The following ZNF69 variants were observed in gnomAD, a reference collection of about 807,000 sequenced individuals.
The protein encoded by ZNF69 is ZNF3.
ZNF69 carries 47 observed loss-of-function variants against 50.9 expected under a neutral mutation model. That is an observed-to-expected ratio of 0.92 (90% CI 0.73 to 1.18). The LOEUF (loss-of-function observed/expected upper bound fraction) is 1.18. Ranked by LOEUF, ZNF69 falls within the 50% of genes most tolerant of loss-of-function variation. The probability of loss-of-function intolerance (pLI) is 0.00; values close to 1 mark genes in which losing one functional copy is unlikely to be tolerated. For synonymous variants in ZNF69, 216 were observed against 223.1 expected (o/e 0.97, Z 0.29); for missense variants, 717 against 675.1 (o/e 1.06, Z -0.69).
the ZNF69 span, among the ~76,000 whole-genome samples, chr19:11,951,850 G>A: frequency 1.3e-5 from 2 of 152,076 alleles, no homozygotes; most frequent in Admixed American, 6.6e-5. Flanking sequence ...TCATATGCCC[G>A]GTATGTGACT....
At chr19:11,925,245 A>AC in the ZNF69 span, 3 of 1,612,692 alleles carry the variant, frequency 1.9e-6, no homozygotes, top group Admixed American at 3.3e-5. Context: ...TGTAGAGAGG[A>AC]CCCCGGTACA....
chr19:11,912,388 C>T (rs961196557), intron 4 of ZNF69, among the ~76,000 whole-genome samples: 2 of 152,188 alleles, frequency 1.3e-5, no homozygotes, highest in Non-Finnish European at 2.9e-5. Context: ...TGCAGAAAAG[C>T]ATTCAGCTTG....
At chr19:11,938,529 C>G in the ZNF69 span, among the ~76,000 whole-genome samples, 6 of 152,148 alleles carry the variant, frequency 3.9e-5, no homozygotes, top group Non-Finnish European at 8.8e-5. Context: ...ATAATGGTTT[C>G]CAGCTTCATC....
At chr19:11,959,510 A>G in the ZNF69 span, among the ~76,000 whole-genome samples, 5 of 152,314 alleles carry the variant, frequency 3.3e-5, no homozygotes, top group South Asian at 4.1e-4. Flanking sequence ...TTGAATTCTC[A>G]GTAACATAAT....
intron 3 of ZNF69, among the ~76,000 whole-genome samples, 153 bp from the exon 4 acceptor site, chr19:11,904,496 C>G (rs1307409886): frequency 1.3e-5 from 2 of 152,194 alleles, no homozygotes; most frequent in African/African-American, 2.4e-5. Context: ...TCACCTTGTA[C>G]AATGGGTTGT....
Position 11,905,695 on chromosome 19 carries a change from T to C in ZNF69, c.1298T>C (p.Leu433Ser). 2 of 1,612,954 alleles carry C rather than the reference T, an allele frequency of 1.2e-6. No individual in the cohort carries two copies. The highest frequency in any genetic ancestry group is 1.7e-6 in the Non-Finnish European group (2 of 1,179,806). Reference sequence around the variant, plus strand: ...TTCAGATCTTCCTCACACCTTCAATTGCATGGTAGGACTCACACTGGAGAG... The same window carrying C: ...TTCAGATCTTCCTCACACCTTCAATCGCATGGTAGGACTCACACTGGAGAG... ...KAFRSSSHLQLHGRTHTGEKP... is the reference protein window; with the variant it reads ...KAFRSSSHLQSHGRTHTGEKP... The change falls in exon 4 of 4, where the codon TTG becomes TCG. Residue 433 changes from leucine (L) to serine (S), a missense_variant. Coordinates refer to ENST00000429654, the MANE Select transcript of ZNF69 (RefSeq NM_001364730.1).
At chr19:11,893,966 A>C (rs1186783503) in intron 1 of ZNF69, among the ~76,000 whole-genome samples, 1 of 152,134 alleles carries the variant, frequency 6.6e-6, no homozygotes, top group Non-Finnish European at 1.5e-5. Context: ...CCAAAAGACA[A>C]GGAACAGCCA....
chr19:11,893,743 G>A (rs979395221), intron 1 of ZNF69, among the ~76,000 whole-genome samples: 3 of 152,114 alleles, frequency 2.0e-5, no homozygotes, highest in Non-Finnish European at 2.9e-5. Flanking sequence ...GGGGCCTCCC[G>A]AGGGAGCAGC....
chr19:11,906,059 G>C lies in ZNF69; in HGVS notation c.1662G>C (p.Arg554Ser), dbSNP rs764642476. The part of the protein sequence containing the change: ...RAASVLRMHG[R>S]THPEDKPYEC... ...CCTCAGTCCTTCGAATGCATGGTAG[G>C]ACTCACCCTGAAGATAAACCCTATG... Residue 554 changes from arginine (R) to serine (S), a missense_variant, in exon 4 of 4, where the codon AGG becomes AGC. Coordinates refer to ENST00000429654, the MANE Select transcript of ZNF69 (RefSeq NM_001364730.1). 2 of 1,613,154 alleles carry C rather than the reference G, an allele frequency of 1.2e-6. No homozygotes were observed. Among genetic ancestry groups the C allele is most frequent in the Non-Finnish European group, 1.7e-6 (2 of 1,179,660 alleles).
chr19:11,929,227 G>T, the ZNF69 span, among the ~76,000 whole-genome samples: 2 of 148,412 alleles, frequency 1.3e-5, no homozygotes, highest in African/African-American at 5.3e-5. Flanking sequence ...GTGCAGGCGC[G>T]ATCTCAGCTC....
At chr19:11,922,645 T>C in the ZNF69 span, among the ~76,000 whole-genome samples, 1 of 124,626 alleles carries the variant, frequency 8.0e-6, no homozygotes, top group African/African-American at 3.1e-5. Flanking sequence ...ACCAGGGGCC[T>C]TTTCCATTGA....
At chr19:11,960,719 A>T in the ZNF69 span, among the ~76,000 whole-genome samples, 136 of 151,838 alleles carry the variant, frequency 9.0e-4, 2 homozygotes, top group East Asian at 3.9e-4. Flanking sequence ...CATTATGACT[A>T]CTTGTTTTTC....
At chr19:11,890,291 T>C (rs900890624) in intron 1 of ZNF69, among the ~76,000 whole-genome samples, 1 of 152,208 alleles carries the variant, frequency 6.6e-6, no homozygotes, top group Admixed American at 6.5e-5. Context: ...CAGGCTTTGT[T>C]GGGCAGAGGT....
At chr19:11,923,970 G>A in the ZNF69 span, among the ~76,000 whole-genome samples, 2 of 152,162 alleles carry the variant, frequency 1.3e-5, no homozygotes, top group Non-Finnish European at 2.9e-5. Flanking sequence ...TCCAGAAAGG[G>A]TGTGGATTCC....
At chr19:11,965,352 G>C in the ZNF69 span, 1 of 1,192,854 alleles carries the variant, frequency 8.4e-7, no homozygotes, top group Non-Finnish European at 1.2e-6. Context: ...CTCGGCCCTC[G>C]GTCCCCTCGG....
the ZNF69 span, among the ~76,000 whole-genome samples, chr19:11,967,814 T>C: frequency 6.1e-4 from 93 of 152,264 alleles, no homozygotes; most frequent in Non-Finnish European, 1.2e-3. Flanking sequence ...GTTTTTGTTA[T>C]GTAGGGGTCT....
At chr19:11,913,953 C>T (rs1267232570) in exon 5 of ZNF69, 1 of 152,142 alleles carries the variant, frequency 6.6e-6, no homozygotes, top group East Asian at 1.9e-4. Context: ...TTACAAAATG[C>T]CCTTAGTTTT....
chr19:11,889,522 A>G (rs1977029935), intron 1 of ZNF69, among the ~76,000 whole-genome samples: 1 of 152,114 alleles, frequency 6.6e-6, no homozygotes, highest in South Asian at 2.1e-4. Context: ...CTGGAGTGCA[A>G]TGGCTCAATC....
At chr19:11,933,971 C>T in the ZNF69 span, among the ~76,000 whole-genome samples, 6 of 147,832 alleles carry the variant, frequency 4.1e-5, no homozygotes, top group African/African-American at 8.0e-5. Context: ...CCATCATGTC[C>T]GGCCACTCAT....
Sources: gnomAD v4.1 joint callset for allele counts (sites outside exome capture counted in the v4.1 genomes callset) on GRCh38, gnomAD v4.1.1 for gene constraint, MANE v1.5 for transcripts, NCBI Gene and HGNC (gene_info 2026-07-23, HGNC 2026-07-21) for gene names.